Variants in TM9SF2 observed in about 807,000 individuals in gnomAD.
TM9SF2 encodes transmembrane 9 superfamily member 2.
A neutral mutation model predicts 84.9 loss-of-function variants in TM9SF2; 13 were observed. The observed-to-expected ratio is 0.15, with a 90% CI of 0.10 to 0.24. TM9SF2 has a LOEUF of 0.24. TM9SF2 is among the 10% of genes least tolerant of loss of function. The pLI is 1.00. For missense variants in TM9SF2, 562 were observed against 818.5 expected (o/e 0.69, Z 3.82); for synonymous variants, 273 against 285.8 (o/e 0.96, Z 0.45).
At chr13:99,526,374 G>A (rs2046183600) in intron 3 of TM9SF2, among the ~76,000 whole-genome samples, 1 of 152,238 alleles carries the variant, frequency 6.6e-6, no homozygotes, top group African/African-American at 2.4e-5. Flanking sequence ...GAAGAACACA[G>A]GATGTGAGGA....
At chr13:99,540,134 G>A (rs1241458230) in intron 7 of TM9SF2, among the ~76,000 whole-genome samples, 7 of 152,166 alleles carry the variant, frequency 4.6e-5, no homozygotes, top group East Asian at 1.9e-4. Context: ...TTTTATTAGC[G>A]AAGTTTCTTA....
chr13:99,508,012 A>G (rs1278639276), intron 1 of TM9SF2, among the ~76,000 whole-genome samples: 2 of 152,252 alleles, frequency 1.3e-5, no homozygotes, highest in Admixed American at 6.5e-5. Context: ...GGGATCAGGT[A>G]TGGAACTGGC....
chr13:99,507,153 G>T (rs2046092120), intron 1 of TM9SF2, among the ~76,000 whole-genome samples: 1 of 152,206 alleles, frequency 6.6e-6, no homozygotes, highest in South Asian at 2.1e-4. Flanking sequence ...ATAAGATTTA[G>T]TAGCTGTCTC....
In TM9SF2 at chr13:99,554,504, A is replaced by G. The variant is rs138504641; in HGVS notation, c.1640+49A>G. The G allele has an allele frequency of 4.2e-4, 664 of 1,567,284 alleles. 5 individuals carry two copies. In the African/African-American group the frequency reaches 8.1e-3, roughly 19 times the overall value. ...CATTCTCATTACCATTATATGTAATATTTCCTTTTTGTTTGTTTATATGGG... is the reference window on the plus strand; with the variant it reads ...CATTCTCATTACCATTATATGTAATGTTTCCTTTTTGTTTGTTTATATGGG... On this transcript the variant is annotated intron_variant, in intron 14 of 16. Coordinates refer to ENST00000376387, the MANE Select transcript of TM9SF2 (RefSeq NM_004800.3).
At chr13:99,522,361 T>C (rs970648279) in intron 3 of TM9SF2, among the ~76,000 whole-genome samples, 21 of 152,186 alleles carry the variant, frequency 1.4e-4, no homozygotes, top group African/African-American at 5.1e-4. Flanking sequence ...ACCCTAAAAT[T>C]GCCAGTAACT....
chr13:99,535,685 T>C (rs1331784956), intron 4 of TM9SF2, among the ~76,000 whole-genome samples: 1 of 152,210 alleles, frequency 6.6e-6, no homozygotes, highest in Non-Finnish European at 1.5e-5. Flanking sequence ...TATAGAATCA[T>C]AATTTTACTT....
chr13:99,502,709 T>G (rs995167510), intron 1 of TM9SF2, among the ~76,000 whole-genome samples: 2 of 152,218 alleles, frequency 1.3e-5, no homozygotes, highest in Admixed American at 1.3e-4. Context: ...ATTTAAAACT[T>G]AACATTTGGG....
intron 3 of TM9SF2, among the ~76,000 whole-genome samples, chr13:99,523,798 A>G (rs566546938): frequency 6.6e-6 from 1 of 152,332 alleles, no homozygotes; most frequent in Non-Finnish European, 1.5e-5. Flanking sequence ...ACCAGAATAT[A>G]TGTTTCAATT....
At chr13:99,549,110 T>G in intron 11 of TM9SF2, 55 bp from the exon 12 acceptor site, 1 of 1,491,322 alleles carries the variant, frequency 6.7e-7, no homozygotes, top group Non-Finnish European at 9.3e-7. Flanking sequence ...AATATGGATA[T>G]TTGGTTTGCT....
chr13:99,519,858 G>GT (rs1037716696), intron 2 of TM9SF2, among the ~76,000 whole-genome samples, 178 bp from the exon 3 acceptor site: 35 of 152,102 alleles, frequency 2.3e-4, no homozygotes, highest in Middle Eastern at 3.2e-3. Context: ...AATTTTAGGT[G>GT]TTTTGTTTTT....
intron 3 of TM9SF2, among the ~76,000 whole-genome samples, chr13:99,523,672 T>C (rs1318875441): frequency 4.6e-5 from 7 of 152,212 alleles, no homozygotes. Context: ...GTTAACACAT[T>C]TGCTCAGTAC....
At chr13:99,519,715 G>T (rs188425466) in intron 2 of TM9SF2, 8 of 179,190 alleles carry the variant, frequency 4.5e-5, no homozygotes, top group Non-Finnish European at 7.1e-5. Flanking sequence ...TGCAAAATTT[G>T]CTTGAATAAT....
At chr13:99,542,635 G>A (rs2046265727) in intron 9 of TM9SF2, among the ~76,000 whole-genome samples, 1 of 151,916 alleles carries the variant, frequency 6.6e-6, no homozygotes, top group Admixed American at 6.6e-5. Context: ...TCTGATTGGG[G>A]AAAATATATA....
chr13:99,531,152 C>T (rs566685639), intron 4 of TM9SF2, among the ~76,000 whole-genome samples: 1 of 152,214 alleles, frequency 6.6e-6, no homozygotes, highest in East Asian at 1.9e-4. Context: ...TGAGCCACTG[C>T]GCCCGGTCAA....
intron 10 of TM9SF2, among the ~76,000 whole-genome samples, chr13:99,545,808 G>A (rs375420068): frequency 9.2e-4 from 140 of 152,004 alleles, no homozygotes; most frequent in African/African-American, 3.3e-3. Context: ...CTCGTGATCC[G>A]CCCGCCTCGG....
In TM9SF2 at chr13:99,540,708, C is replaced by G. The variant is rs1433248250; in HGVS notation, c.829-6C>G. 3 of 1,612,484 alleles carry G rather than the reference C, an allele frequency of 1.9e-6. No homozygotes were observed. The highest frequency in any genetic ancestry group is 1.1e-5 in the South Asian group (1 of 91,024). Reference sequence around the variant, plus strand: ...TTACTTAAAGAGATTTTTTAATCTCCTCTAGGAAGATGATAAGATCAGATG... The same window carrying G: ...TTACTTAAAGAGATTTTTTAATCTCGTCTAGGAAGATGATAAGATCAGATG... On this transcript the variant is annotated splice_region_variant and splice_polypyrimidine_tract_variant and intron_variant, in intron 7 of 16. Transcript: ENST00000376387.
At position 99,536,514 on chromosome 13, in the gene TM9SF2, T is replaced by C. The variant is rs1465471095; in HGVS notation, c.462-94T>C. The C allele has an allele frequency of 6.8e-6, 10 of 1,463,186 alleles. No homozygotes were observed. In the East Asian group the frequency reaches 2.1e-4, roughly 31 times the overall value. The allele number at this position is 1,463,186 out of a possible 1,614,324, so 90.6% of individuals were successfully genotyped here. ...TGTAATCTTAAGGCATTTACACATT[T>C]AAATTTTACAAAGTGATGACACTGA... On this transcript the variant is annotated intron_variant, in intron 4 of 16. Transcript: ENST00000376387.
chr13:99,539,399 A>C lies in TM9SF2; in HGVS notation c.717-47A>C, dbSNP rs200884898. The C allele has an allele frequency of 1.5e-5, 18 of 1,196,784 alleles. No individual in the cohort carries two copies. The East Asian group carries it at 4.0e-4, about 26-fold the overall frequency. The allele number at this position is 1,196,784 out of a possible 1,614,324, so 74.1% of individuals were successfully genotyped here. On this transcript the variant is annotated intron_variant, in intron 6 of 16. Coordinates refer to ENST00000376387, the MANE Select transcript of TM9SF2 (RefSeq NM_004800.3). ...ATCTGTAACCTTTACCTCATTTTTAAAAAGTTGTACTTTATCAGCATCTTG... is the reference window on the plus strand; with the variant it reads ...ATCTGTAACCTTTACCTCATTTTTACAAAGTTGTACTTTATCAGCATCTTG...
At chr13:99,549,028 A>G in intron 11 of TM9SF2, 137 bp from the exon 12 acceptor site, 1 of 630,236 alleles carries the variant, frequency 1.6e-6, no homozygotes. Context: ...ATATCATATT[A>G]TATTTGCTAG....
Sources: allele counts gnomAD v4.1 joint callset (sites outside exome capture counted in the v4.1 genomes callset), GRCh38; gene constraint gnomAD v4.1.1; transcripts MANE v1.5; gene names NCBI Gene and HGNC (gene_info 2026-07-23, HGNC 2026-07-21).